The following SRGAP2B variants were observed in gnomAD, a reference collection of about 807,000 sequenced individuals.
SRGAP2B encodes the protein SLIT-ROBO Rho GTPase-activating protein 2B.
In SRGAP2B, 9 loss-of-function variants were observed where a neutral mutation model predicts 22.2. The ratio of observed to expected loss-of-function variants is 0.41; its 90% CI spans 0.24 to 0.71. The LOEUF (loss-of-function observed/expected upper bound fraction) is 0.71. SRGAP2B is among the 30% of genes least tolerant of loss of function. The pLI, the probability that SRGAP2B is intolerant of heterozygous loss-of-function variation, is 0.35. For synonymous variants in SRGAP2B, 36 were observed against 87.4 expected (o/e 0.41, Z 3.28); for missense variants, 114 against 235.8 (o/e 0.48, Z 3.38).
At chr1:145,009,306 C>T (rs1246564319) in intron 2 of SRGAP2B, among the ~76,000 whole-genome samples, 2 of 149,958 alleles carry the variant, frequency 1.3e-5, no homozygotes, top group Non-Finnish European at 2.9e-5. Context: ...ACAAAACTGG[C>T]GGCCGGGCGC....
chr1:145,044,772 G>A (rs1327570220), intron 2 of SRGAP2B, among the ~76,000 whole-genome samples: 10 of 137,328 alleles, frequency 7.3e-5, no homozygotes, highest in African/African-American at 2.5e-4. Flanking sequence ...GCCTACAAGA[G>A]AGACTAGGAT....
chr1:144,965,504 A>G (rs1553612070), intron 3 of SRGAP2B, among the ~76,000 whole-genome samples: 1 of 145,752 alleles, frequency 6.9e-6, no homozygotes, highest in African/African-American at 2.8e-5. Flanking sequence ...CACCATCATC[A>G]AAGACCAAAA....
intron 3 of SRGAP2B, among the ~76,000 whole-genome samples, chr1:144,975,493 A>T (rs1479451361): frequency 6.8e-6 from 1 of 146,608 alleles, no homozygotes; most frequent in Non-Finnish European, 1.5e-5. Flanking sequence ...TTCCTGAGAG[A>T]GTGAGTTGTT....
Position 144,999,045 on chromosome 1 carries a change from C to T in SRGAP2B, c.68-3845G>A, listed in dbSNP as rs1445159379. 3.9e-4 allele frequency among the ~76,000 whole-genome samples: 58 copies of T among 150,632 alleles called. 4 individuals carry two copies. The highest frequency in any genetic ancestry group is 1.2e-3 in the African/African-American group (48 of 40,186). ...TTTAAAAACATAGAGGAACTCCTCA[C>T]AGTTCCCTCATGTGCTTAGGCGATC... On this transcript the variant is annotated intron_variant, in intron 2 of 9. Transcript: ENST00000612199.
At chr1:145,020,901 G>A (rs1203480839) in intron 2 of SRGAP2B, among the ~76,000 whole-genome samples, 4 of 149,428 alleles carry the variant, frequency 2.7e-5, no homozygotes, top group Admixed American at 1.3e-4. Context: ...CCTGGTTCAA[G>A]CAATTCTCAT....
chr1:144,967,234 G>C (rs1223509799), intron 3 of SRGAP2B, among the ~76,000 whole-genome samples: 25 of 123,772 alleles, frequency 2.0e-4, no homozygotes, highest in Admixed American at 1.8e-4. Context: ...TGACCACGTA[G>C]TTGGAAGTAA....
intron 2 of SRGAP2B, among the ~76,000 whole-genome samples, chr1:145,007,802 C>CTT (rs880001624): frequency 0.013 from 1,298 of 101,084 alleles, 28 homozygotes; most frequent in African/African-American, 0.037. Flanking sequence ...ATTTCTTCTT[C>CTT]TTTTTTTTTT....
intron 2 of SRGAP2B, among the ~76,000 whole-genome samples, chr1:145,009,348 G>A (rs1553621813): frequency 6.7e-6 from 1 of 150,180 alleles, no homozygotes; most frequent in African/African-American, 2.5e-5. Context: ...CAGCACTTTG[G>A]GAGGCCGAGG....
chr1:144,967,527 C>A (rs1251036204), intron 3 of SRGAP2B, among the ~76,000 whole-genome samples: 1 of 148,510 alleles, frequency 6.7e-6, no homozygotes, highest in African/African-American at 2.6e-5. Flanking sequence ...TAAATCCCCA[C>A]AAGAGAAAGC....
At chr1:144,931,906 G>A (rs1665214593) in intron 4 of SRGAP2B, among the ~76,000 whole-genome samples, 1 of 145,470 alleles carries the variant, frequency 6.9e-6, no homozygotes, top group South Asian at 2.2e-4. Flanking sequence ...ACTGTCTTGG[G>A]GGCACTGCTT....
At chr1:144,929,439 C>T (rs1665017531) in intron 4 of SRGAP2B, among the ~76,000 whole-genome samples, 1 of 150,604 alleles carries the variant, frequency 6.6e-6, no homozygotes, top group Non-Finnish European at 1.5e-5. Flanking sequence ...ATAGTTTTGG[C>T]TCTTGCATTT....
At chr1:144,943,879 G>A (rs1378673656) in intron 4 of SRGAP2B, among the ~76,000 whole-genome samples, 1 of 150,338 alleles carries the variant, frequency 6.7e-6, no homozygotes, top group East Asian at 1.9e-4. Context: ...TCAGCCCAAG[G>A]CAAACAGGAT....
chr1:145,007,585 A>T (rs1671690412), intron 2 of SRGAP2B, among the ~76,000 whole-genome samples: 1 of 150,714 alleles, frequency 6.6e-6, no homozygotes, highest in South Asian at 2.1e-4. Context: ...TGACCCTGGA[A>T]CTGGACTGCC....
intron 2 of SRGAP2B, among the ~76,000 whole-genome samples, chr1:145,079,320 GA>G (rs199492503): frequency 9.3e-3 from 1 of 108 alleles, no homozygotes; most frequent in African/African-American, 0.031. Context: ...AGAAAACAAA[GA>G]AAAAAAAAAA....
chr1:144,905,859 C>T, exon 6 of SRGAP2B: 1 of 708,162 alleles, frequency 1.4e-6, no homozygotes, highest in South Asian at 1.5e-5. Context: ...GCCTACATAC[C>T]TTCTCCTTCA....
chr1:144,954,507 GA>G (rs1667118361), intron 4 of SRGAP2B, among the ~76,000 whole-genome samples: 1 of 150,236 alleles, frequency 6.7e-6, no homozygotes, highest in Non-Finnish European at 1.5e-5. Flanking sequence ...TAACTTTTAG[GA>G]AGATTATTTG....
Position 144,955,012 on chromosome 1 carries a change from T to C in SRGAP2B, c.423+427A>G, listed in dbSNP as rs188708587. Reference sequence around the variant, plus strand: ...AAGCTCAACAGCTTCAAAAATCACTTTAAGAAAACTTCCCAAAACACAGTT... The same window carrying C: ...AAGCTCAACAGCTTCAAAAATCACTCTAAGAAAACTTCCCAAAACACAGTT... On this transcript the variant is annotated intron_variant, in intron 4 of 9. Transcript: ENST00000612199. 2.5e-3 allele frequency among the ~76,000 whole-genome samples: 372 copies of C among 150,628 alleles called. 26 individuals are homozygous for C. The highest frequency in any genetic ancestry group is 8.7e-3 in the African/African-American group (351 of 40,232).
chr1:144,990,865 T>C (rs1670142320), intron 3 of SRGAP2B, among the ~76,000 whole-genome samples: 1 of 151,442 alleles, frequency 6.6e-6, no homozygotes, highest in Non-Finnish European at 1.5e-5. Context: ...GATTTCTCGC[T>C]GGGCCTTAGC....
chr1:145,013,083 C>CA (rs1304454358), intron 2 of SRGAP2B, among the ~76,000 whole-genome samples: 2 of 149,650 alleles, frequency 1.3e-5, no homozygotes, highest in African/African-American at 2.5e-5. Flanking sequence ...ACTCTGTCTC[C>CA]AAAAAAAAGT....
Sources: gnomAD v4.1 joint callset for allele counts (sites outside exome capture counted in the v4.1 genomes callset) on GRCh38, gnomAD v4.1.1 for gene constraint, MANE v1.5 for transcripts, NCBI Gene and HGNC (gene_info 2026-07-23, HGNC 2026-07-21) for gene names.